Variants in ABI1 observed in about 807,000 individuals in gnomAD.
ABI1 encodes the protein abl interactor 1.
In ABI1, 14 loss-of-function variants were observed where a neutral mutation model predicts 54.6. That is an observed-to-expected ratio of 0.26 (90% CI 0.17 to 0.40). The LOEUF (loss-of-function observed/expected upper bound fraction) is 0.40. Ranked by LOEUF, ABI1 falls within the 10% of genes least tolerant of loss-of-function variation. The pLI, the probability that ABI1 is intolerant of heterozygous loss-of-function variation, is 1.00. For missense variants in ABI1, 443 were observed against 598.3 expected, an observed-to-expected ratio of 0.74 and a Z score of 2.71; for synonymous variants, 194 against 209.3, an observed-to-expected ratio of 0.93 and a Z score of 0.63.
At chr10:26,784,905 C>G (rs1842551192) in intron 2 of ABI1, among the ~76,000 whole-genome samples, 1 of 152,146 alleles carries the variant, frequency 6.6e-6, no homozygotes, top group South Asian at 2.1e-4. Context: ...TCTGCAGTAA[C>G]TAGATTAATG....
intron 1 of ABI1, among the ~76,000 whole-genome samples, chr10:26,844,107 C>T (rs2049796942): frequency 6.6e-6 from 1 of 152,182 alleles, no homozygotes; most frequent in African/African-American, 2.4e-5. Context: ...ATGTTTTTGA[C>T]TAAGACTTCA....
Position 26,798,308 on chromosome 10 carries a change from TG to T in ABI1, c.286-21068del, listed in dbSNP as rs578030170. Among the ~76,000 whole-genome samples the T allele has an allele frequency of 3.5e-3, 506 of 143,230 alleles. 3 individuals are homozygous for T. Among genetic ancestry groups the T allele is most frequent in the African/African-American group, 0.01 (396 of 37,970 alleles). 94.0% of individuals were successfully genotyped at this position (143,230 alleles called of 152,430 possible). A position where few individuals can be genotyped will look rare whatever the true frequency, so the allele number is the denominator to read the frequency against. ...CTTGAGACGGGGTGCTATCCAGTAT[TG>T]GGGGGGGTGAATCAAATGAAATCAC... On this transcript the variant is annotated intron_variant, in intron 2 of 10. Transcript: ENST00000376140.
At chr10:26,792,517 T>C (rs947277746) in intron 2 of ABI1, among the ~76,000 whole-genome samples, 1 of 152,132 alleles carries the variant, frequency 6.6e-6, no homozygotes, top group Non-Finnish European at 1.5e-5. Flanking sequence ...TAAAATAGTA[T>C]GAATAAAAGT....
chr10:26,860,944 G>T lies in ABI1; in HGVS notation c.-81C>A. 2 of 1,309,300 alleles carry T rather than the reference G, an allele frequency of 1.5e-6. No individual in the cohort carries two copies. The highest frequency in any genetic ancestry group is 1.2e-5 in the South Asian group (1 of 84,858). 81.1% of individuals were successfully genotyped at this position (1,309,300 alleles called of 1,614,324 possible). A position where few individuals can be genotyped will look rare whatever the true frequency, so the allele number is the denominator to read the frequency against. On this transcript the variant is annotated 5_prime_UTR_variant, in exon 1 of 11. It adds an upstream start codon to the 5' untranslated region. Transcript: ENST00000376140. The surrounding 1 kb of genome is among the most constrained non-coding windows in gnomAD (Gnocchi z 4.1). The stretch of plus-strand genomic sequence containing the variant: ...CCGCCGAGGCTCCGAGCACCTCACA[G>T]CCCGGATACAAACCGCCTACCCGCC...
intron 1 of ABI1, among the ~76,000 whole-genome samples, chr10:26,846,153 AAAGATTTTAG>A (rs1272260171): frequency 4.0e-5 from 6 of 151,776 alleles, no homozygotes; most frequent in Non-Finnish European, 8.8e-5. Context: ...AAAAAAAAAA[AAAGATTTTAG>A]AAAAACCATC....
At chr10:26,851,984 A>T (rs1332786062) in intron 1 of ABI1, among the ~76,000 whole-genome samples, 1 of 152,132 alleles carries the variant, frequency 6.6e-6, no homozygotes, top group Non-Finnish European at 1.5e-5. Context: ...AATCAATTTT[A>T]AAATGACACC....
chr10:26,809,106 C>T (rs1017538491), intron 2 of ABI1, among the ~76,000 whole-genome samples: 1 of 151,848 alleles, frequency 6.6e-6, no homozygotes, highest in African/African-American at 2.4e-5. Flanking sequence ...CTCGTCTCTA[C>T]CAAAAATACA....
chr10:26,827,460 A>T (rs2048374860), intron 1 of ABI1, among the ~76,000 whole-genome samples: 1 of 151,046 alleles, frequency 6.6e-6, no homozygotes, highest in East Asian at 2.0e-4. Flanking sequence ...TGACCTTGTG[A>T]TCCATCCACC....
At chr10:26,854,441 G>A in intron 1 of ABI1, among the ~76,000 whole-genome samples, 1 of 144,384 alleles carries the variant, frequency 6.9e-6, no homozygotes, top group East Asian at 2.0e-4. Context: ...CACAGACTTG[G>A]TGTGAAAGAA....
intron 7 of ABI1, chr10:26,763,924 G>A (rs1229618142): frequency 3.1e-6 from 5 of 1,613,038 alleles, no homozygotes; most frequent in African/African-American, 2.7e-5. Flanking sequence ...AGGTGGTGCT[G>A]GTGGAGCTCC....
intron 2 of ABI1, among the ~76,000 whole-genome samples, chr10:26,789,541 C>G (rs966926200): frequency 1.3e-5 from 2 of 151,984 alleles, no homozygotes; most frequent in African/African-American, 4.8e-5. Context: ...TTTGAAATTA[C>G]GCAGTGGTTC....
chr10:26,746,770 C>CAAAT lies in ABI1; in HGVS notation c.*1796_*1799dup, dbSNP rs1187110668. 3 of 419,276 alleles carry CAAAT rather than the reference C, an allele frequency of 7.2e-6. No homozygotes were observed. Among genetic ancestry groups the CAAAT allele is most frequent in the South Asian group, 4.9e-5 (2 of 40,836 alleles). 26.0% of individuals were successfully genotyped at this position (419,276 alleles called of 1,614,324 possible). A position where few individuals can be genotyped will look rare whatever the true frequency, so the allele number is the denominator to read the frequency against. On this transcript the variant is annotated 3_prime_UTR_variant, in exon 11 of 11. Transcript: ENST00000376140. The stretch of plus-strand genomic sequence containing the variant: ...AATATCCACATGTAAGGCCATTACA[C>CAAAT]AAATAAATAACCAATGTTAAAATTC...
intron 3 of ABI1, among the ~76,000 whole-genome samples, chr10:26,772,491 G>C (rs879384408): frequency 4.6e-5 from 7 of 152,042 alleles, no homozygotes; most frequent in Non-Finnish European, 7.4e-5. Context: ...TCAAGTATAA[G>C]CTGGTCCCAA....
intron 1 of ABI1, among the ~76,000 whole-genome samples, chr10:26,827,265 A>G (rs1588999932): frequency 1.3e-5 from 2 of 150,016 alleles, no homozygotes; most frequent in East Asian, 2.0e-4. Flanking sequence ...TCTGTCGCCC[A>G]GGCTGGAGTG....
intron 9 of ABI1, among the ~76,000 whole-genome samples, chr10:26,754,806 G>C (rs186073671): frequency 3.9e-5 from 6 of 152,260 alleles, no homozygotes; most frequent in Admixed American, 3.9e-4. Flanking sequence ...TTCAGTAATA[G>C]TGGTATTTTT....
At chr10:26,778,423 G>C (rs1841696187) in intron 2 of ABI1, among the ~76,000 whole-genome samples, 1 of 150,898 alleles carries the variant, frequency 6.6e-6, no homozygotes, top group Non-Finnish European at 1.5e-5. Flanking sequence ...AGACTGCAGA[G>C]AGTGAAACCA....
chr10:26,780,105 T>C (rs183312090), intron 2 of ABI1, among the ~76,000 whole-genome samples: 12 of 152,292 alleles, frequency 7.9e-5, no homozygotes, highest in African/African-American at 2.9e-4. Flanking sequence ...AATGATGCCA[T>C]TGTGCAGATC....
intron 2 of ABI1, among the ~76,000 whole-genome samples, chr10:26,778,479 T>C (rs1841706025): frequency 7.0e-6 from 1 of 143,122 alleles, no homozygotes; most frequent in Non-Finnish European, 1.5e-5. Context: ...GGCCAGGATA[T>C]GAACTGAAGT....
chr10:26,796,290 A>G (rs1267753510), intron 2 of ABI1, among the ~76,000 whole-genome samples: 2 of 152,244 alleles, frequency 1.3e-5, no homozygotes, highest in Admixed American at 1.3e-4. Context: ...GTCACATAAC[A>G]TTTTGGTCAA....
Sources: allele counts gnomAD v4.1 joint callset (sites outside exome capture counted in the v4.1 genomes callset), GRCh38; gene constraint gnomAD v4.1.1; non-coding constraint Gnocchi (gnomAD v3.1); transcripts MANE v1.5; gene names NCBI Gene and HGNC (gene_info 2026-07-23, HGNC 2026-07-21).